Variants in PSD3 observed in about 807,000 individuals in gnomAD.
PSD3 encodes PH and SEC7 domain-containing protein 3.
In PSD3, 49 loss-of-function variants were observed where a neutral mutation model predicts 105.5. The observed-to-expected ratio is 0.46, with a 90% CI of 0.37 to 0.59. PSD3 has a LOEUF of 0.59. PSD3 is among the 20% of genes least tolerant of loss of function. The pLI, the probability that PSD3 is intolerant of heterozygous loss-of-function variation, is 0.00. For synonymous variants in PSD3, 557 were observed against 457.8 expected (o/e 1.22, Z -2.77); for missense variants, 1,561 against 1,263.8 (o/e 1.24, Z -3.57).
At chr8:18,789,017 T>C (rs1042952263) in intron 8 of PSD3, among the ~76,000 whole-genome samples, 5 of 152,310 alleles carry the variant, frequency 3.3e-5, no homozygotes, top group Admixed American at 3.3e-4. Context: ...ACAGAGCTCA[T>C]TTAAGTGCTA....
chr8:18,569,213 T>C (rs1481626980), intron 14 of PSD3, among the ~76,000 whole-genome samples: 15 of 133,208 alleles, frequency 1.1e-4, no homozygotes, highest in Non-Finnish European at 2.3e-4. Context: ...GTCCTTTGGG[T>C]ATATACCCAG....
chr8:18,930,976 T>C (rs1821712371), intron 2 of PSD3, among the ~76,000 whole-genome samples: 1 of 152,354 alleles, frequency 6.6e-6, no homozygotes, highest in African/African-American at 2.4e-5. Context: ...TTTTTAATTT[T>C]AGCCTTTCTA....
At chr8:18,637,047 A>G (rs533910828) in intron 10 of PSD3, among the ~76,000 whole-genome samples, 6 of 152,342 alleles carry the variant, frequency 3.9e-5, no homozygotes, top group Admixed American at 2.6e-4. Context: ...TACATCTTCA[A>G]TAGTGAGAAA....
At chr8:18,683,892 C>T (rs757091983) in intron 9 of PSD3, 1 of 765,250 alleles carries the variant, frequency 1.3e-6, no homozygotes, top group East Asian at 2.4e-5. Flanking sequence ...GGTCCTCACC[C>T]GTACCTTGCT....
chr8:18,860,294 G>T (rs79962046), intron 4 of PSD3, among the ~76,000 whole-genome samples: 1 of 151,972 alleles, frequency 6.6e-6, no homozygotes, highest in East Asian at 1.9e-4. Flanking sequence ...TCAAAGATCT[G>T]GGACCACAGG....
At chr8:18,746,889 T>C (rs1478062441) in intron 9 of PSD3, among the ~76,000 whole-genome samples, 5 of 152,256 alleles carry the variant, frequency 3.3e-5, no homozygotes, top group African/African-American at 9.6e-5. Flanking sequence ...TGATTTAATG[T>C]AGCAAATGAA....
intron 9 of PSD3, among the ~76,000 whole-genome samples, chr8:18,763,472 T>A (rs1806713180): frequency 6.6e-6 from 1 of 152,040 alleles, no homozygotes; most frequent in East Asian, 1.9e-4. Context: ...AACAATATTT[T>A]CCCCCAGAAT....
intron 1 of PSD3, among the ~76,000 whole-genome samples, chr8:18,999,743 C>T (rs950437684): frequency 6.6e-6 from 1 of 151,648 alleles, no homozygotes; most frequent in East Asian, 1.9e-4. Context: ...ACTAACTACA[C>T]CACCCAAGTT....
intron 1 of PSD3, among the ~76,000 whole-genome samples, chr8:18,970,212 C>T (rs1824548702): frequency 6.7e-6 from 1 of 148,994 alleles, no homozygotes; most frequent in Non-Finnish European, 1.5e-5. Flanking sequence ...GTAGTCCCAG[C>T]TACTCAGGAG....
chr8:18,753,467 G>T lies in PSD3; in HGVS notation c.2172+11982C>A, dbSNP rs958294854. Reference sequence around the variant, plus strand: ...TGCATTATCCAGAAAATACTTCCTTGCAAGATCTGGATAATGTGGCTTCTG... The same window carrying T: ...TGCATTATCCAGAAAATACTTCCTTTCAAGATCTGGATAATGTGGCTTCTG... On this transcript the variant is annotated intron_variant, in intron 9 of 15. Transcript: ENST00000327040. Among the ~76,000 whole-genome samples, 6 of 152,218 alleles carry T rather than the reference G, an allele frequency of 3.9e-5. No individual in the cohort carries two copies. In the South Asian group the frequency reaches 1.2e-3, roughly 32 times the overall value.
At chr8:19,049,849 C>G (rs77197148) in intron 1 of PSD3, among the ~76,000 whole-genome samples, 2,728 of 152,210 alleles carry the variant, frequency 0.018, 84 homozygotes, top group African/African-American at 0.061. Context: ...GAGTCTGAAG[C>G]CAGATTCCCT....
At chr8:18,717,615 G>A (rs546374425) in intron 9 of PSD3, among the ~76,000 whole-genome samples, 1 of 152,162 alleles carries the variant, frequency 6.6e-6, no homozygotes, top group African/African-American at 2.4e-5. Context: ...ATGTTTGTAT[G>A]TTAAATTTAA....
intron 9 of PSD3, among the ~76,000 whole-genome samples, chr8:18,669,653 C>T (rs545975301): frequency 1.8e-4 from 28 of 152,124 alleles, no homozygotes; most frequent in Admixed American, 5.2e-4. Flanking sequence ...CGCACTACGC[C>T]GGATGGCATG....
At chr8:18,639,935 G>A (rs781278800) in intron 10 of PSD3, among the ~76,000 whole-genome samples, 1 of 152,152 alleles carries the variant, frequency 6.6e-6, no homozygotes, top group Admixed American at 6.6e-5. Context: ...ATAAGCTGCA[G>A]CATCTCTCTA....
Position 18,529,088 on chromosome 8 carries a change from A to T in PSD3, c.*6655T>A. On this transcript the variant is annotated 3_prime_UTR_variant, in exon 16 of 16. Coordinates refer to ENST00000327040, the MANE Select transcript of PSD3 (RefSeq NM_015310.4). ...CAAAGGAATGATCTGCAGAGCAAGC[A>T]GCTCTGCCACCTTGGAAAATGATGC... 1 of 152,222 alleles carries T rather than the reference A, an allele frequency of 6.6e-6. No homozygotes were observed. The highest frequency in any genetic ancestry group is 1.9e-4 in the East Asian group (1 of 5,180). The allele number at this position is 152,222 out of a possible 1,614,324, so 9.4% of individuals were successfully genotyped here.
chr8:18,830,563 G>A (rs1468393539), intron 4 of PSD3, among the ~76,000 whole-genome samples: 2 of 152,166 alleles, frequency 1.3e-5, no homozygotes, highest in Non-Finnish European at 2.9e-5. Context: ...CAAAGCAGAG[G>A]AGCAGATATC....
At chr8:18,840,853 T>TA (rs1814560722) in intron 4 of PSD3, among the ~76,000 whole-genome samples, 1 of 152,220 alleles carries the variant, frequency 6.6e-6, no homozygotes, top group South Asian at 2.1e-4. Flanking sequence ...AAGGGAATTC[T>TA]AGTTCCAATT....
At chr8:18,752,563 TATTATA>T in intron 9 of PSD3, among the ~76,000 whole-genome samples, 1 of 84,924 alleles carries the variant, frequency 1.2e-5, no homozygotes, top group East Asian at 3.5e-4. Flanking sequence ...TAATTATATA[TATTATA>T]TATATAATTA....
At chr8:19,007,412 C>A (rs1391839077) in intron 1 of PSD3, among the ~76,000 whole-genome samples, 2 of 152,040 alleles carry the variant, frequency 1.3e-5, no homozygotes, top group Admixed American at 1.3e-4. Flanking sequence ...AAATTCAGTT[C>A]TTAAATCTCA....
Sources: allele counts gnomAD v4.1 joint callset (sites outside exome capture counted in the v4.1 genomes callset), GRCh38; gene constraint gnomAD v4.1.1; transcripts MANE v1.5; gene names NCBI Gene and HGNC (gene_info 2026-07-23, HGNC 2026-07-21).